ZNF93: variants seen among roughly 807,000 people sequenced by gnomAD.
The protein encoded by ZNF93 is zinc finger protein 505.
ZNF93 carries 29 observed loss-of-function variants against 45.0 expected under a neutral mutation model. That is an observed-to-expected ratio of 0.64 (90% CI 0.48 to 0.88). The LOEUF is 0.88. Ranked by LOEUF, ZNF93 falls within the 40% of genes least tolerant of loss-of-function variation. The pLI, the probability that ZNF93 is intolerant of heterozygous loss-of-function variation, is 0.00. For missense variants in ZNF93, 578 were observed against 724.0 expected (o/e 0.80, Z 2.31); for synonymous variants, 223 against 244.6 (o/e 0.91, Z 0.82).
chr19:19,910,713 G>A (rs943914977), intron 1 of ZNF93, among the ~76,000 whole-genome samples: 36 of 151,560 alleles, frequency 2.4e-4, no homozygotes, highest in Middle Eastern at 3.4e-3. Context: ...CTCTATGAGG[G>A]GATCTCTCCT....
chr19:19,924,751 C>T (rs1312953474), intron 3 of ZNF93, among the ~76,000 whole-genome samples: 4 of 151,788 alleles, frequency 2.6e-5, no homozygotes, highest in Admixed American at 6.6e-5. Context: ...CCACCACACC[C>T]GGGTGATTTT....
chr19:19,907,544 CTTTTCT>C (rs1394297208), intron 1 of ZNF93, among the ~76,000 whole-genome samples: 1 of 133,028 alleles, frequency 7.5e-6, no homozygotes, highest in African/African-American at 3.5e-5. Context: ...ACAGCATTTT[CTTTTCT>C]TTTTTTTTTT....
chr19:19,928,414 G>C (rs2063362581), intron 3 of ZNF93, among the ~76,000 whole-genome samples: 1 of 152,142 alleles, frequency 6.6e-6, no homozygotes, highest in South Asian at 2.1e-4. Flanking sequence ...TGAAGAGTGT[G>C]TTTCATATTC....
intron 3 of ZNF93, among the ~76,000 whole-genome samples, chr19:19,924,063 CCCTT>C (rs201662096): frequency 1.4e-4 from 21 of 151,656 alleles, no homozygotes; most frequent in Non-Finnish European, 2.7e-4. Flanking sequence ...TGGAACTGTC[CCCTT>C]CCTTCCTTCC....
intron 3 of ZNF93, chr19:19,926,249 T>C (rs1379273692): frequency 6.6e-6 from 1 of 151,178 alleles, no homozygotes; most frequent in Non-Finnish European, 1.5e-5. Context: ...CAGCTAAATT[T>C]TGTATTATTA....
In ZNF93 at chr19:19,934,156, G is replaced by C. The variant is rs1324881743; in HGVS notation, c.1201G>C (p.Glu401Gln). ...TGGAGAGAAGCCCTACAAATGTGAA[G>C]AATGTGGCAAAGCCTTTAAGTACTC... ...HTGEKPYKCEECGKAFKYSST... is the reference protein window; with the variant it reads ...HTGEKPYKCEQCGKAFKYSST... The change falls in exon 4 of 4, where the codon GAA (glutamate) becomes CAA (glutamine). Residue 401 changes from glutamate (E) to glutamine (Q), a missense_variant. Glu to Gln is a conservative substitution (Grantham distance 29). Around this residue, in one of 3 missense-constraint regions of ZNF93, gnomAD observed 446 missense variants for 547.6 expected, o/e 0.81. Coordinates refer to ENST00000343769, the MANE Select transcript of ZNF93 (RefSeq NM_031218.4). 1 of 1,611,274 alleles carries C rather than the reference G, an allele frequency of 6.2e-7. No homozygotes were observed. The highest frequency in any genetic ancestry group is 8.5e-7 in the Non-Finnish European group (1 of 1,179,464).
intron 3 of ZNF93, among the ~76,000 whole-genome samples, chr19:19,919,255 A>G (rs1241494475): frequency 1.3e-5 from 2 of 152,134 alleles, no homozygotes; most frequent in African/African-American, 4.8e-5. Context: ...CAAAGATCAG[A>G]TAGTTGTAGA....
chr19:19,918,091 C>G (rs1042999200), intron 3 of ZNF93, among the ~76,000 whole-genome samples: 1 of 151,720 alleles, frequency 6.6e-6, no homozygotes, highest in Non-Finnish European at 1.5e-5. Context: ...CTAATGCTAT[C>G]CCTCCCCCGT....
chr19:19,927,521 G>A (rs183312897), intron 3 of ZNF93, among the ~76,000 whole-genome samples: 1 of 152,152 alleles, frequency 6.6e-6, no homozygotes, highest in East Asian at 1.9e-4. Context: ...TCTACTTTCT[G>A]TTTTTATGAT....
At chr19:19,928,979 A>T (rs980579924) in intron 3 of ZNF93, among the ~76,000 whole-genome samples, 3 of 152,142 alleles carry the variant, frequency 2.0e-5, no homozygotes, top group African/African-American at 7.2e-5. Flanking sequence ...TCCAAATCTC[A>T]TGCTGCAATA....
chr19:19,931,393 G>A (rs1255310604), intron 3 of ZNF93, among the ~76,000 whole-genome samples: 1 of 152,066 alleles, frequency 6.6e-6, no homozygotes, highest in Non-Finnish European at 1.5e-5. Context: ...ATTTCACTAT[G>A]ATGGCCAGGC....
chr19:19,923,729 T>G (rs539199860), intron 3 of ZNF93, among the ~76,000 whole-genome samples: 1 of 152,300 alleles, frequency 6.6e-6, no homozygotes, highest in South Asian at 2.1e-4. Flanking sequence ...GCATGGGATA[T>G]AATCTCCTGG....
chr19:19,929,745 C>T (rs537257671), intron 3 of ZNF93, among the ~76,000 whole-genome samples: 9 of 151,072 alleles, frequency 6.0e-5, no homozygotes, highest in South Asian at 4.2e-4. Context: ...GAGACCATCC[C>T]GGCTAAAACG....
chr19:19,933,654 A>T lies in ZNF93; in HGVS notation c.699A>T (p.Lys233Asn), dbSNP rs763274803. 3.1e-5 allele frequency: 50 copies of T among 1,612,300 alleles called. No homozygotes were observed. The highest frequency in any genetic ancestry group is 2.2e-4 in the Admixed American group (13 of 59,892). ...HTGEKPYKCD[K>N]CDKAFIASST... ...GAGAGAAACCATACAAGTGTGATAA[A>T]TGTGACAAAGCCTTTATTGCATCCT... Residue 233 changes from lysine (K) to asparagine (N), a missense_variant, in exon 4 of 4, where the codon AAA becomes AAT. Physicochemically the swap from Lys to Asn is moderately conservative, Grantham distance 94. Around this residue, in one of 3 missense-constraint regions of ZNF93, gnomAD observed 446 missense variants for 547.6 expected, o/e 0.81. Transcript: ENST00000343769.
At chr19:19,905,818 C>G (rs536491598) in intron 1 of ZNF93, among the ~76,000 whole-genome samples, 103 of 151,996 alleles carry the variant, frequency 6.8e-4, no homozygotes, top group South Asian at 1.5e-3. Context: ...TCTCAAACTT[C>G]TGAGCTCAGG....
At chr19:19,912,825 A>T (rs2063313127) in intron 1 of ZNF93, among the ~76,000 whole-genome samples, 1 of 152,196 alleles carries the variant, frequency 6.6e-6, no homozygotes, top group Non-Finnish European at 1.5e-5. Context: ...TAAATCATAT[A>T]ATGTGTTATG....
chr19:19,901,179 C>A lies in ZNF93; in HGVS notation c.3+88C>A, dbSNP rs1487453431. ...GACGGTGGCGGGACTCAGGTATCCC[C>A]TTAGTCAGCTCCACAATCTGCGCCG... On this transcript the variant is annotated intron_variant, in intron 1 of 3. Coordinates refer to ENST00000343769, the MANE Select transcript of ZNF93 (RefSeq NM_031218.4). The A allele has an allele frequency of 1.9e-6, 3 of 1,588,406 alleles. No individual in the cohort carries two copies. The African/African-American group carries it at 4.0e-5, about 21-fold the overall frequency.
At chr19:19,924,048 C>T (rs1451446059) in intron 3 of ZNF93, among the ~76,000 whole-genome samples, 3 of 152,100 alleles carry the variant, frequency 2.0e-5, no homozygotes, top group African/African-American at 4.8e-5. Flanking sequence ...CCTATTTGGC[C>T]ATCTTGGAAC....
At chr19:19,906,636 C>T (rs763246257) in intron 1 of ZNF93, among the ~76,000 whole-genome samples, 10 of 152,014 alleles carry the variant, frequency 6.6e-5, no homozygotes, top group Admixed American at 6.6e-5. Flanking sequence ...TCCTAGTTAT[C>T]TTTCAGGGTT....
Sources: gnomAD v4.1 joint callset for allele counts (sites outside exome capture counted in the v4.1 genomes callset) on GRCh38, gnomAD v4.1.1 for gene constraint, gnomAD v4.1.1 regional missense constraint, MANE v1.5 for transcripts, NCBI Gene and HGNC (gene_info 2026-07-23, HGNC 2026-07-21) for gene names.